MED1: variants seen among roughly 807,000 people sequenced by gnomAD.
MED1 encodes the protein mediator complex subunit 1.
In MED1, 17 loss-of-function variants were observed where a neutral mutation model predicts 121.3. The ratio of observed to expected loss-of-function variants is 0.14; its 90% confidence interval spans 0.10 to 0.21. MED1 has a LOEUF of 0.21. MED1 is among the 10% of genes least tolerant of loss of function. MED1 has a pLI of 1.00. For synonymous variants in MED1, 661 were observed against 694.4 expected (o/e 0.95, Z 0.76); for missense variants, 1,558 against 1,919.4 (o/e 0.81, Z 3.52).
rs183434445 is a variant in MED1 at position 39,444,513 on chromosome 17, A to T, written c.133-885T>A. Among the ~76,000 whole-genome samples the T allele has an allele frequency of 2.2e-3, 336 of 151,746 alleles. 4 individuals are homozygous for T. Among genetic ancestry groups the T allele is most frequent in the African/African-American group, 7.6e-3 (316 of 41,382 alleles). On this transcript the variant is annotated intron_variant, in intron 2 of 16. Transcript: ENST00000300651. ...AGAGAGAGACTCTGTCTCAAAAAAA[A>T]AAAGAAAAAGAAAAGAAACAGAACA...
chr17:39,423,341 T>G lies in MED1; in HGVS notation c.1081A>C (p.Met361Leu). 6.2e-7 allele frequency: 1 copy of G among 1,606,018 alleles called. No individual in the cohort carries two copies. The highest frequency in any genetic ancestry group is 8.5e-7 in the Non-Finnish European group (1 of 1,172,692). ...DPDPIPLNHN[M>L]RFYAALPGQQ... ...GCTTTACTTACAGCATAAAATCTCATGTTGTGATTCAAAGGTATGGGGTCA... is the reference window on the plus strand; with the variant it reads ...GCTTTACTTACAGCATAAAATCTCAGGTTGTGATTCAAAGGTATGGGGTCA... Residue 361 changes from methionine (M) to leucine (L), a missense_variant, in exon 13 of 17, where the codon ATG (methionine) becomes CTG (leucine). Transcript: ENST00000300651.
Position 39,419,428 on chromosome 17 carries a change from G to A in MED1, c.1297+289C>T, listed in dbSNP as rs367733515. On this transcript the variant is annotated intron_variant, in intron 14 of 16. Transcript: ENST00000300651. ...TGTTTGAATTTTTTTTTTTTTTTGA[G>A]ACAGAGTCTTGCTCTGTCACCCAGG... Among the ~76,000 whole-genome samples, 46 of 145,490 alleles carry A rather than the reference G, an allele frequency of 3.2e-4. No individual in the cohort carries two copies. The South Asian group carries it at 1.0e-2, about 32-fold the overall frequency.
chr17:39,417,644 A>G (rs1266087287), intron 14 of MED1, among the ~76,000 whole-genome samples: 1 of 152,046 alleles, frequency 6.6e-6, no homozygotes, highest in Non-Finnish European at 1.5e-5. Flanking sequence ...ACAAACAAAA[A>G]ATAAATAAAT....
intron 7 of MED1, 147 bp downstream of exon 7, chr17:39,434,102 A>C: frequency 1.8e-6 from 1 of 568,198 alleles, no homozygotes. Context: ...GAAAGGCCCA[A>C]TGTTGGAAGC....
Position 39,407,516 on chromosome 17 carries a change from C to T in MED1, c.4705G>A (p.Glu1569Lys). Residue 1569 changes from glutamate (E) to lysine (K), a missense_variant, in exon 17 of 17, where the codon GAA becomes AAA. Around this residue, in one of 5 missense-constraint regions of MED1, gnomAD observed 264 missense variants for 326.1 expected, o/e 0.81. Coordinates refer to ENST00000300651, the MANE Select transcript of MED1 (RefSeq NM_004774.4). ...GCCACATCCATAAGATCATCATCTT[C>T]CTCCCCAATCATAAAGTCTGGGCTG... ...RLSPDFMIGE[E>K]DDDLMDVALI... 6.2e-7 allele frequency: 1 copy of T among 1,612,830 alleles called. No homozygotes were observed. Among genetic ancestry groups the T allele is most frequent in the Non-Finnish European group, 8.5e-7 (1 of 1,179,354 alleles).
chr17:39,419,708 A>G lies in MED1; in HGVS notation c.1297+9T>C, dbSNP rs765081329. On this transcript the variant is annotated intron_variant, in intron 14 of 16. Transcript: ENST00000300651. ...TCTTCCAGTAAGCATATCAAAGGAAAGGCAGTACCTTCTTTCAGAATAGTT... is the reference window on the plus strand; with the variant it reads ...TCTTCCAGTAAGCATATCAAAGGAAGGGCAGTACCTTCTTTCAGAATAGTT... 1.9e-6 allele frequency: 3 copies of G among 1,603,654 alleles called. No individual in the cohort carries two copies. Among genetic ancestry groups the G allele is most frequent in the Non-Finnish European group, 2.6e-6 (3 of 1,170,544 alleles).
intron 10 of MED1, among the ~76,000 whole-genome samples, chr17:39,425,135 T>C (rs898013901): frequency 1.4e-4 from 21 of 152,068 alleles, no homozygotes; most frequent in African/African-American, 5.1e-4. Context: ...CATCTTGGCC[T>C]CCCGAAGGAC....
chr17:39,414,194 A>T (rs2048384531), intron 16 of MED1, among the ~76,000 whole-genome samples: 2 of 151,690 alleles, frequency 1.3e-5, no homozygotes, highest in African/African-American at 4.8e-5. Context: ...ACCACTGTAC[A>T]ATCTGGGCAT....
chr17:39,439,755 T>A (rs1362886389), intron 5 of MED1, among the ~76,000 whole-genome samples: 1 of 151,804 alleles, frequency 6.6e-6, no homozygotes, highest in Non-Finnish European at 1.5e-5. Flanking sequence ...CTGGCCAACA[T>A]AGGGAAACCC....
At chr17:39,442,368 C>T (rs1364552730) in intron 3 of MED1, among the ~76,000 whole-genome samples, 1 of 151,526 alleles carries the variant, frequency 6.6e-6, no homozygotes, top group Non-Finnish European at 1.5e-5. Context: ...GAGGCCGAGG[C>T]GGGTGGATCA....
chr17:39,412,228 C>CT (rs1163616624), intron 16 of MED1, among the ~76,000 whole-genome samples: 7,781 of 132,202 alleles, frequency 0.059, 838 homozygotes, highest in African/African-American at 0.2. Flanking sequence ...ATTTTTTTTT[C>CT]TTTTTTTTTT....
intron 16 of MED1, among the ~76,000 whole-genome samples, chr17:39,411,053 G>A (rs1476715378): frequency 6.6e-6 from 1 of 152,210 alleles, no homozygotes. Flanking sequence ...GGGCACAGTG[G>A]CTCACGCCTG....
chr17:39,444,656 G>T (rs1432453364), intron 2 of MED1, among the ~76,000 whole-genome samples: 1 of 152,006 alleles, frequency 6.6e-6, no homozygotes, highest in African/African-American at 2.4e-5. Flanking sequence ...AGATCATGAG[G>T]TCAGGAGTTC....
intron 14 of MED1, 49 bp downstream of exon 14, chr17:39,419,668 A>T (rs749520339): frequency 1.3e-6 from 2 of 1,538,074 alleles, no homozygotes; most frequent in South Asian, 2.2e-5. Flanking sequence ...GAACCACTGG[A>T]GAAGTAAGTT....
At position 39,410,734 on chromosome 17, in the gene MED1, G is replaced by A; in HGVS notation, c.1500-13C>T. ...GATGGACATACATCTGCAAAATAAA[G>A]AAGAAAACAAAGTTAACATTGCAAT... On this transcript the variant is annotated splice_polypyrimidine_tract_variant and intron_variant, in intron 16 of 16. Transcript: ENST00000300651. The A allele has an allele frequency of 6.3e-7, 1 of 1,577,096 alleles. No individual in the cohort carries two copies. Among genetic ancestry groups the A allele is most frequent in the East Asian group, 2.3e-5 (1 of 44,218 alleles).
Position 39,440,261 on chromosome 17 carries a change from C to T in MED1, c.399+125G>A. The T allele has an allele frequency of 1.1e-6, 1 of 931,156 alleles. No homozygotes were observed. The highest frequency in any genetic ancestry group is 2.8e-5 in the Admixed American group (1 of 35,452). 57.7% of individuals were successfully genotyped at this position (931,156 alleles called of 1,614,324 possible). On this transcript the variant is annotated intron_variant, in intron 5 of 16. Transcript: ENST00000300651. The surrounding 1 kb of genome is among the most constrained non-coding windows in gnomAD (Gnocchi z 4.1). ...TAGCTGTTGATTTTGTAGCCCATCA[C>T]ATCATCTCTACAGTGGCTCATGGAA... is the stretch of plus-strand genomic sequence containing the variant.
At chr17:39,438,270 C>G (rs1179174395) in intron 6 of MED1, among the ~76,000 whole-genome samples, 2 of 148,946 alleles carry the variant, frequency 1.3e-5, no homozygotes, top group Non-Finnish European at 3.0e-5. Flanking sequence ...CTCCTGGGTT[C>G]AAGCAATTTT....
At chr17:39,412,188 AACGTTTTGCTCTAGAACAT>A in intron 16 of MED1, among the ~76,000 whole-genome samples, 1 of 151,722 alleles carries the variant, frequency 6.6e-6, no homozygotes, top group Non-Finnish European at 1.5e-5. Flanking sequence ...TCAGTTTGCA[AACGTTTTGCTCTAGAACAT>A]ATGTCAGCAA....
chr17:39,420,464 G>A (rs996242896), intron 13 of MED1, among the ~76,000 whole-genome samples: 3 of 151,792 alleles, frequency 2.0e-5, no homozygotes, highest in Non-Finnish European at 2.9e-5. Flanking sequence ...GCCTCCCAAA[G>A]TGCTGGGATT....
Sources: allele counts gnomAD v4.1 joint callset (sites outside exome capture counted in the v4.1 genomes callset), GRCh38; gene constraint gnomAD v4.1.1; regional missense constraint gnomAD v4.1.1; non-coding constraint Gnocchi (gnomAD v3.1); transcripts MANE v1.5; gene names NCBI Gene and HGNC (gene_info 2026-07-23, HGNC 2026-07-21).